The following DCDC2C variants were observed in gnomAD, a reference collection of about 807,000 sequenced individuals.
DCDC2C encodes doublecortin domain-containing protein 2C.
In DCDC2C, 44 loss-of-function variants were observed where a neutral mutation model predicts 45.0. The ratio of observed to expected loss-of-function variants is 0.98; its 90% CI spans 0.77 to 1.26. The LOEUF (loss-of-function observed/expected upper bound fraction) is 1.26. Ranked by LOEUF, DCDC2C falls within the 50% of genes most tolerant of loss-of-function variation. The pLI, the probability that DCDC2C is intolerant of heterozygous loss-of-function variation, is 0.00. For synonymous variants in DCDC2C, 187 were observed against 178.8 expected (o/e 1.05, Z -0.37); for missense variants, 447 against 468.9 (o/e 0.95, Z 0.43).
chr2:3,815,454 G>A (rs538395558), intron 10 of DCDC2C, among the ~76,000 whole-genome samples: 30 of 152,326 alleles, frequency 2.0e-4, no homozygotes, highest in South Asian at 1.7e-3. Flanking sequence ...GGGAGCCTCC[G>A]AATGCTGCTG....
At chr2:3,798,700 C>T (rs1671028806) in intron 10 of DCDC2C, among the ~76,000 whole-genome samples, 1 of 151,662 alleles carries the variant, frequency 6.6e-6, no homozygotes, top group Non-Finnish European at 1.5e-5. Context: ...ATATTGGCCC[C>T]CACTCTCTTC....
In DCDC2C at chr2:3,724,791, G is replaced by A. The variant is rs575306952; in HGVS notation, c.340-2212G>A. Among the ~76,000 whole-genome samples the A allele has an allele frequency of 4.6e-5, 7 of 152,302 alleles. No individual in the cohort carries two copies. In the East Asian group the frequency reaches 1.4e-3, roughly 30 times the overall value. ...CTGACTTGGGGAGCAGAGCTCCCCA[G>A]TTGTTGGCCTGACATTGGTGTGGGC... On this transcript the variant is annotated intron_variant, in intron 2 of 10. Transcript: ENST00000399143.
chr2:3,712,745 C>A (rs532678970), intron 2 of DCDC2C, among the ~76,000 whole-genome samples: 1 of 152,118 alleles, frequency 6.6e-6, no homozygotes, highest in African/African-American at 2.4e-5. Context: ...TTTGTGAGGC[C>A]CCCATGCTGC....
At chr2:3,764,152 C>T (rs1177190832) in intron 6 of DCDC2C, among the ~76,000 whole-genome samples, 2 of 152,196 alleles carry the variant, frequency 1.3e-5, no homozygotes, top group African/African-American at 4.8e-5. Context: ...TCTCTGCTCT[C>T]CTCTGACCCA....
chr2:3,794,446 T>C (rs1401113317), intron 10 of DCDC2C, among the ~76,000 whole-genome samples: 1 of 152,224 alleles, frequency 6.6e-6, no homozygotes, highest in African/African-American at 2.4e-5. Flanking sequence ...ACATGTGCCA[T>C]GCTGGTGCGC....
chr2:3,703,769 C>T lies in DCDC2C; in HGVS notation c.18C>T (p.Pro6=), dbSNP rs1054995136. Residue 6 remains proline, a synonymous_variant, in exon 1 of 11, where the codon CCC becomes CCT. Coordinates refer to ENST00000399143, the MANE Select transcript of DCDC2C (RefSeq NM_001287444.2). This position sits in a 1 kb window ranked among gnomAD's most constrained non-coding sequence, Gnocchi z 4.4. MGTRG[P]SAPVDTTPAK... ...GCGCGGCTATGGGAACCCGCGGGCC[C>T]TCCGCGCCGGTGGACACCACGCCCG... 5.7e-6 allele frequency: 7 copies of T among 1,234,390 alleles called. No individual in the cohort carries two copies. Among genetic ancestry groups the T allele is most frequent in the Non-Finnish European group, 7.1e-6 (7 of 988,044 alleles). 76.5% of individuals were successfully genotyped at this position (1,234,390 alleles called of 1,614,324 possible). A position where few individuals can be genotyped will look rare whatever the true frequency, so the allele number is the denominator to read the frequency against.
At position 3,712,493 on chromosome 2, in the gene DCDC2C, A is replaced by AAAG. The variant is rs200770608; in HGVS notation, c.339+3895_339+3896insGAA. Among the ~76,000 whole-genome samples, 1,396 of 149,854 alleles carry AAAG rather than the reference A, an allele frequency of 9.3e-3. 28 individuals are homozygous for AAAG. Among genetic ancestry groups the AAAG allele is most frequent in the African/African-American group, 0.034 (1,343 of 39,384 alleles). On this transcript the variant is annotated intron_variant, in intron 2 of 10. Transcript: ENST00000399143. The stretch of plus-strand genomic sequence containing the variant: ...CCAGCAAGACCCTATCTCTACAAAA[A>AAAG]AAAAAAAAAAAAATTATCCAGGCAT...
At chr2:3,786,871 T>G (rs1670669539) in intron 10 of DCDC2C, among the ~76,000 whole-genome samples, 1 of 152,280 alleles carries the variant, frequency 6.6e-6, no homozygotes. Context: ...TTTACTTACT[T>G]TTCAAGAATC....
intron 6 of DCDC2C, among the ~76,000 whole-genome samples, chr2:3,762,674 G>A (rs1219407557): frequency 6.6e-6 from 1 of 152,174 alleles, no homozygotes; most frequent in African/African-American, 2.4e-5. Context: ...CAAGCTATCA[G>A]AGGTCCACCC....
At chr2:3,817,942 C>T (rs1282847785) in intron 10 of DCDC2C, among the ~76,000 whole-genome samples, 1 of 152,030 alleles carries the variant, frequency 6.6e-6, no homozygotes, top group Non-Finnish European at 1.5e-5. Flanking sequence ...AAAGGAGTTG[C>T]TGTTTTGTAG....
chr2:3,838,237 G>A (rs1672128122), intron 10 of DCDC2C, among the ~76,000 whole-genome samples: 1 of 152,008 alleles, frequency 6.6e-6, no homozygotes, highest in Non-Finnish European at 1.5e-5. Context: ...TAGAGGTGCT[G>A]ATGAGGTAGG....
intron 2 of DCDC2C, among the ~76,000 whole-genome samples, chr2:3,711,582 G>T (rs1382845162): frequency 6.6e-6 from 1 of 152,186 alleles, no homozygotes; most frequent in Admixed American, 6.5e-5. Flanking sequence ...TAGAGTGAGT[G>T]CCCAGCAACC....
chr2:3,754,703 C>A, intron 6 of DCDC2C, 69 bp downstream of exon 6: 2 of 1,402,664 alleles, frequency 1.4e-6, no homozygotes, highest in Non-Finnish European at 2.0e-6. Flanking sequence ...TTAACAAGGG[C>A]ACAGCGCAGG....
chr2:3,791,735 C>CA (rs1333163822), intron 10 of DCDC2C, among the ~76,000 whole-genome samples: 1 of 152,186 alleles, frequency 6.6e-6, no homozygotes, highest in East Asian at 1.9e-4. Flanking sequence ...GCCTGGGTGC[C>CA]ATGCCAAGGC....
chr2:3,829,260 TA>T (rs1398204623), intron 10 of DCDC2C, among the ~76,000 whole-genome samples: 3 of 151,084 alleles, frequency 2.0e-5, no homozygotes, highest in Non-Finnish European at 4.4e-5. Flanking sequence ...TCTCATTCCG[TA>T]AGGCTTCATT....
chr2:3,774,331 A>G (rs1670269343), intron 8 of DCDC2C, among the ~76,000 whole-genome samples: 1 of 152,252 alleles, frequency 6.6e-6, no homozygotes, highest in Non-Finnish European at 1.5e-5. Flanking sequence ...AGTGGTTTAA[A>G]CAATCAGGAA....
intron 8 of DCDC2C, 126 bp from the exon 9 acceptor site, chr2:3,778,690 G>A: frequency 3.8e-6 from 3 of 793,278 alleles, no homozygotes; most frequent in East Asian, 2.8e-5. Context: ...TGGAGAAACT[G>A]CAGTGACTTC....
chr2:3,750,319 AG>A (rs1319488952), intron 4 of DCDC2C, among the ~76,000 whole-genome samples: 1 of 152,236 alleles, frequency 6.6e-6, no homozygotes, highest in African/African-American at 2.4e-5. Context: ...TTTTTAAAAA[AG>A]ACAACACAAA....
chr2:3,781,009 G>A (rs904815008), intron 9 of DCDC2C, among the ~76,000 whole-genome samples: 2 of 152,194 alleles, frequency 1.3e-5, no homozygotes, highest in Non-Finnish European at 2.9e-5. Context: ...AGGGGTGCAG[G>A]GTGGCTCAAG....
Sources: gnomAD v4.1 joint callset for allele counts (sites outside exome capture counted in the v4.1 genomes callset) on GRCh38, gnomAD v4.1.1 for gene constraint, Gnocchi (gnomAD v3.1) non-coding constraint, MANE v1.5 for transcripts, NCBI Gene and HGNC (gene_info 2026-07-23, HGNC 2026-07-21) for gene names.